CYP2S1: variants seen among roughly 807,000 people sequenced by gnomAD.
The protein encoded by CYP2S1 is cytochrome P450 family 2 subfamily S member 1.
A neutral mutation model predicts 43.5 loss-of-function variants in CYP2S1; 32 were observed. The observed-to-expected ratio is 0.74, with a 90% CI of 0.56 to 0.99. The LOEUF is 0.99. CYP2S1 is among the 50% of genes least tolerant of loss of function. CYP2S1 has a pLI of 0.00. For synonymous variants in CYP2S1, 283 were observed against 302.9 expected (o/e 0.93, Z 0.68); for missense variants, 575 against 673.9 (o/e 0.85, Z 1.62).
In CYP2S1 at chr19:41,193,278, G is replaced by A. The variant is rs369980187; in HGVS notation, c.14G>A (p.Gly5Asp). Residue 5 changes from glycine (G) to aspartate (D), a missense_variant, in exon 1 of 9, where the codon GGC becomes GAC. Gly to Asp is a moderately conservative substitution (Grantham distance 94). This residue lies in a region of CYP2S1 where 353 missense variants were observed against 367.6 expected (regional missense o/e 0.96). Coordinates refer to ENST00000310054, the MANE Select transcript of CYP2S1 (RefSeq NM_030622.8). MEAT[G>D]TWALLLALAL... ...CGACCTGCCGAGATGGAGGCGACCG[G>A]CACCTGGGCGCTGCTGCTGGCGCTG... 10 of 1,540,800 alleles carry A rather than the reference G, an allele frequency of 6.5e-6. No individual in the cohort carries two copies. The highest frequency in any genetic ancestry group is 8.7e-6 in the Non-Finnish European group (10 of 1,145,876).
chr19:41,203,419 C>A, intron 6 of CYP2S1, 31 bp from the exon 7 acceptor site: 1 of 1,555,794 alleles, frequency 6.4e-7, no homozygotes, highest in Admixed American at 1.9e-5. Context: ...GCCCTACCCC[C>A]GTCTGACTCC....
chr19:41,195,040 C>T (rs548976845), intron 2 of CYP2S1, among the ~76,000 whole-genome samples: 2 of 152,224 alleles, frequency 1.3e-5, no homozygotes, highest in East Asian at 1.9e-4. Flanking sequence ...CGCTTGAACC[C>T]GGGAGGCAGA....
At chr19:41,196,627 A>T (rs576820062) in intron 2 of CYP2S1, among the ~76,000 whole-genome samples, 1 of 152,068 alleles carries the variant, frequency 6.6e-6, no homozygotes, top group South Asian at 2.1e-4. Context: ...CAGGGAGAGG[A>T]GAGATGCTTA....
At position 41,203,446 on chromosome 19, in the gene CYP2S1, G is replaced by T; in HGVS notation, c.977-4G>T. 6.3e-7 allele frequency: 1 copy of T among 1,595,634 alleles called. No individual in the cohort carries two copies. The highest frequency in any genetic ancestry group is 8.5e-7 in the Non-Finnish European group (1 of 1,170,402). Reference sequence around the variant, plus strand: ...TCTGACTCCTGCCCTCCTCTTGCTTGCAGAGTGGGTACGTGAGGAGCTGAA... The same window carrying T: ...TCTGACTCCTGCCCTCCTCTTGCTTTCAGAGTGGGTACGTGAGGAGCTGAA... On this transcript the variant is annotated splice_region_variant and splice_polypyrimidine_tract_variant and intron_variant, in intron 6 of 8. Coordinates refer to ENST00000310054, the MANE Select transcript of CYP2S1 (RefSeq NM_030622.8).
At chr19:41,202,749 C>G (rs1275912619) in intron 6 of CYP2S1, among the ~76,000 whole-genome samples, 1 of 151,458 alleles carries the variant, frequency 6.6e-6, no homozygotes, top group Non-Finnish European at 1.5e-5. Flanking sequence ...AGTGAGCCGT[C>G]ATTGTACTAC....
At position 41,193,415 on chromosome 19, in the gene CYP2S1, G is replaced by T. The variant is rs1288007470; in HGVS notation, c.151G>T (p.Gly51Trp). Residue 51 changes from glycine (G) to tryptophan (W), a missense_variant, in exon 1 of 9, where the codon GGG becomes TGG. Physicochemically the swap from Gly to Trp is radical, Grantham distance 184 (BLOSUM62 -2). This residue lies in a region of CYP2S1 where 353 missense variants were observed against 367.6 expected (regional missense o/e 0.96). Transcript: ENST00000310054. Reference protein sequence around the residue: ...LLGNLLQLRPGALYSGLMRLS... With the variant: ...LLGNLLQLRPWALYSGLMRLS... ...GGGAAACCTCCTGCAGCTACGGCCC[G>T]GGGCGCTGTATTCAGGGCTCATGCG... 28 of 1,500,962 alleles carry T rather than the reference G, an allele frequency of 1.9e-5. No individual in the cohort carries two copies. The highest frequency in any genetic ancestry group is 2.4e-5 in the Non-Finnish European group (27 of 1,122,880). The allele number at this position is 1,500,962 out of a possible 1,614,324, so 93.0% of individuals were successfully genotyped here.
chr19:41,206,455 C>A lies in CYP2S1; in HGVS notation c.1482C>A (p.Pro494=), dbSNP rs1424778457. The A allele has an allele frequency of 2.5e-6, 4 of 1,614,030 alleles. No individual in the cohort carries two copies. Among genetic ancestry groups the A allele is most frequent in the Non-Finnish European group, 2.5e-6 (3 of 1,180,036 alleles). ...CAGCCTTCCAGCTGCAAGTCCGTCC[C>A]ACTGACCTTCACTCCACCACGCAGA... ...IPPAFQLQVR[P]TDLHSTTQTR Residue 494 remains proline, a synonymous_variant, in exon 9 of 9, where the codon CCC becomes CCA. Transcript: ENST00000310054.
chr19:41,201,384 T>A lies in CYP2S1; in HGVS notation c.976+12T>A, dbSNP rs769202831. Reference sequence around the variant, plus strand: ...CCCTCATGTCCAAAGTAAGAGCCTTTTCCACTTGCCAGGCCTTGGGAACAG... The same window carrying A: ...CCCTCATGTCCAAAGTAAGAGCCTTATCCACTTGCCAGGCCTTGGGAACAG... On this transcript the variant is annotated intron_variant, in intron 6 of 8. Coordinates refer to ENST00000310054, the MANE Select transcript of CYP2S1 (RefSeq NM_030622.8). 22 of 1,612,646 alleles carry A rather than the reference T, an allele frequency of 1.4e-5. 1 individual carries two copies. In the Admixed American group the frequency reaches 2.8e-4, roughly 21 times the overall value.
intron 7 of CYP2S1, among the ~76,000 whole-genome samples, chr19:41,205,521 C>G (rs1216146617): frequency 6.7e-6 from 1 of 150,342 alleles, no homozygotes; most frequent in Non-Finnish European, 1.5e-5. Flanking sequence ...CTGTCTTCCT[C>G]TCTTTCTCTC....
At chr19:41,205,832 C>T (rs1599716981) in intron 7 of CYP2S1, 126 bp from the exon 8 acceptor site, 2 of 1,272,624 alleles carry the variant, frequency 1.6e-6, no homozygotes, top group Non-Finnish European at 2.2e-6. Context: ...CAACACTCCA[C>T]AAATGTTGAT....
rs975592505 is a variant in CYP2S1, at chr19:41,202,055, C to T, written c.976+683C>T. On this transcript the variant is annotated intron_variant, in intron 6 of 8. Transcript: ENST00000310054. ...AGGCTGGAGTGCAGTAGTGCGATCT[C>T]GGCCCACTGCAACCTCCGGCCTCCT... is the stretch of plus-strand genomic sequence containing the variant. 4.6e-5 allele frequency among the ~76,000 whole-genome samples: 7 copies of T among 152,082 alleles called. No individual in the cohort carries two copies. The East Asian group carries it at 1.2e-3, about 25-fold the overall frequency.
intron 1 of CYP2S1, 125 bp from the exon 2 acceptor site, chr19:41,194,419 G>A: frequency 2.4e-6 from 3 of 1,255,634 alleles, no homozygotes; most frequent in Non-Finnish European, 3.2e-6. Flanking sequence ...TGGGATGGGG[G>A]CAGGTTCCTG....
At position 41,193,357 on chromosome 19, in the gene CYP2S1, C is replaced by T. The variant is rs2033366148; in HGVS notation, c.93C>T (p.His31=). 2.6e-6 allele frequency: 4 copies of T among 1,533,602 alleles called. No homozygotes were observed. Among genetic ancestry groups the T allele is most frequent in the South Asian group, 1.2e-5 (1 of 82,982 alleles). The allele number at this position is 1,533,602 out of a possible 1,614,324, so 95.0% of individuals were successfully genotyped here. Residue 31 remains histidine, a synonymous_variant, in exon 1 of 9, where the codon CAC becomes CAT. Coordinates refer to ENST00000310054, the MANE Select transcript of CYP2S1 (RefSeq NM_030622.8). ...LALSGTRARG[H]LPPGPTPLPL... is the part of the protein sequence containing the mutation. Reference sequence around the variant, plus strand: ...TGTCCGGGACCAGGGCCCGAGGCCACCTGCCCCCCGGGCCCACGCCGCTAC... The same window carrying T: ...TGTCCGGGACCAGGGCCCGAGGCCATCTGCCCCCCGGGCCCACGCCGCTAC...
At chr19:41,204,945 CT>C (rs143443435) in intron 7 of CYP2S1, among the ~76,000 whole-genome samples, 1,851 of 152,204 alleles carry the variant, frequency 0.012, 5 homozygotes, top group East Asian at 0.02. Flanking sequence ...ACTTCCCCCC[CT>C]GAACCTCAAT....
Position 41,198,390 on chromosome 19 carries a change from G to A in CYP2S1, c.494-72G>A. ...CCTGCCTCCCTGTCTCTCTCTGGTTGGGTTCAGCTCCAACCTGCTCCCCTC... is the reference window on the plus strand; with the variant it reads ...CCTGCCTCCCTGTCTCTCTCTGGTTAGGTTCAGCTCCAACCTGCTCCCCTC... On this transcript the variant is annotated intron_variant, in intron 3 of 8. Coordinates refer to ENST00000310054, the MANE Select transcript of CYP2S1 (RefSeq NM_030622.8). The surrounding 1 kb of genome is among the most constrained non-coding windows in gnomAD (Gnocchi z 4.9). 1 of 1,572,264 alleles carries A rather than the reference G, an allele frequency of 6.4e-7. No individual in the cohort carries two copies. The highest frequency in any genetic ancestry group is 1.2e-5 in the South Asian group (1 of 84,526).
chr19:41,207,125 C>T lies in CYP2S1; in HGVS notation c.*637C>T, dbSNP rs371166026. Reference sequence around the variant, plus strand: ...CCCAGAGTATCTTCCCACTGAGACACGCCGCCCCCACAGAGGCACAGTCCC... The same window carrying T: ...CCCAGAGTATCTTCCCACTGAGACATGCCGCCCCCACAGAGGCACAGTCCC... On this transcript the variant is annotated 3_prime_UTR_variant, in exon 9 of 9. Coordinates refer to ENST00000310054, the MANE Select transcript of CYP2S1 (RefSeq NM_030622.8). 45 of 301,946 alleles carry T rather than the reference C, an allele frequency of 1.5e-4. 1 individual carries two copies. The highest frequency in any genetic ancestry group is 6.2e-4 in the South Asian group (20 of 32,092). The allele number at this position is 301,946 out of a possible 1,614,324, so 18.7% of individuals were successfully genotyped here. A position where few individuals can be genotyped will look rare whatever the true frequency, so the allele number is the denominator to read the frequency against.
chr19:41,200,818 T>C (rs1279192506), intron 5 of CYP2S1, among the ~76,000 whole-genome samples: 2 of 152,170 alleles, frequency 1.3e-5, no homozygotes, highest in African/African-American at 2.4e-5. Context: ...TTGGTGGGAA[T>C]GTGAAACGAC....
At chr19:41,201,497 G>A (rs2122162414) in intron 6 of CYP2S1, 125 bp downstream of exon 6, 1 of 1,368,464 alleles carries the variant, frequency 7.3e-7, no homozygotes, top group African/African-American at 1.5e-5. Context: ...CTTGAGAATA[G>A]GAGTTTAAGA....
intron 6 of CYP2S1, among the ~76,000 whole-genome samples, chr19:41,203,056 C>T (rs1434302220): frequency 1.3e-5 from 2 of 151,372 alleles, no homozygotes; most frequent in East Asian, 2.0e-4. Context: ...GCCAGGATCG[C>T]GCCACTGCAC....
Sources: gnomAD v4.1 joint callset for allele counts (sites outside exome capture counted in the v4.1 genomes callset) on GRCh38, gnomAD v4.1.1 for gene constraint, gnomAD v4.1.1 regional missense constraint, Gnocchi (gnomAD v3.1) non-coding constraint, MANE v1.5 for transcripts, NCBI Gene and HGNC (gene_info 2026-07-23, HGNC 2026-07-21) for gene names.